MTSS2: variants seen among roughly 807,000 people sequenced by gnomAD.
MTSS2 encodes protein MTSS 2.
In MTSS2, 27 loss-of-function variants were observed where a neutral mutation model predicts 67.1. The ratio of observed to expected loss-of-function variants is 0.40; its 90% CI spans 0.30 to 0.55. The LOEUF (loss-of-function observed/expected upper bound fraction) is 0.55, where lower values mean the gene tolerates loss of function less well. MTSS2 is among the 20% of genes least tolerant of loss of function. The pLI is 0.43. For synonymous variants in MTSS2, 624 were observed against 468.6 expected, an observed-to-expected ratio of 1.33 and a Z score of -4.28; for missense variants, 1,171 against 1,067.8, an observed-to-expected ratio of 1.10 and a Z score of -1.35.
chr16:70,664,428 G>A lies in MTSS2; in HGVS notation c.1493C>T (p.Ser498Phe). 2 of 1,543,454 alleles carry A rather than the reference G, an allele frequency of 1.3e-6. No homozygotes were observed. The highest frequency in any genetic ancestry group is 2.6e-5 in the South Asian group (2 of 78,268). ...PSQGSDYDCY[S>F]VNGDADSEGP... The stretch of plus-strand genomic sequence containing the variant: ...CTCGCTGTCCGCATCCCCATTCACG[G>A]AGTAGCAGTCGTAGTCGGAGCCTGG... The change falls in exon 15 of 15, where the codon TCC becomes TTC. Residue 498 changes from serine to phenylalanine, a missense_variant. Physicochemically the swap from Ser to Phe is radical, Grantham distance 155 (BLOSUM62 -2). Coordinates refer to ENST00000338779, the MANE Select transcript of MTSS2 (RefSeq NM_138383.3).
chr16:70,675,830 G>C (rs1360021854), intron 10 of MTSS2, among the ~76,000 whole-genome samples: 1 of 152,170 alleles, frequency 6.6e-6, no homozygotes, highest in Admixed American at 6.5e-5. Flanking sequence ...CTTCCAAGTG[G>C]GTCCTGCACC....
chr16:70,676,786 C>A, intron 10 of MTSS2, 95 bp downstream of exon 10: 1 of 1,093,300 alleles, frequency 9.1e-7, no homozygotes, highest in Non-Finnish European at 1.4e-6. Flanking sequence ...ATTTTGAGGC[C>A]CTGAAGCAAT....
chr16:70,677,947 C>T (rs1247732230), intron 8 of MTSS2, 48 bp from the exon 9 acceptor site: 28 of 1,443,298 alleles, frequency 1.9e-5, no homozygotes, highest in East Asian at 7.4e-5. Flanking sequence ...CCCACCTGCC[C>T]GCCTGCCCAG....
intron 11 of MTSS2, among the ~76,000 whole-genome samples, chr16:70,666,975 T>C (rs2052737267): frequency 1.3e-5 from 2 of 152,032 alleles, no homozygotes; most frequent in East Asian, 1.9e-4. Flanking sequence ...AACAAATGGA[T>C]TGGAAAGAAA....
At chr16:70,673,278 C>T (rs1054955995) in intron 11 of MTSS2, among the ~76,000 whole-genome samples, 8 of 152,116 alleles carry the variant, frequency 5.3e-5, no homozygotes, top group African/African-American at 1.7e-4. Context: ...ATTGTAGACA[C>T]GCTGTAGCAA....
chr16:70,680,507 GGAA>G (rs1344619090), intron 3 of MTSS2, among the ~76,000 whole-genome samples: 13 of 152,206 alleles, frequency 8.5e-5, no homozygotes, highest in Admixed American at 8.5e-4. Flanking sequence ...GGCATGAGTG[GGAA>G]GAAGCCCTAA....
At chr16:70,668,690 T>A (rs2052812491) in intron 11 of MTSS2, among the ~76,000 whole-genome samples, 1 of 152,176 alleles carries the variant, frequency 6.6e-6, no homozygotes, top group Non-Finnish European at 1.5e-5. Context: ...GGTGGAGCCC[T>A]CATTAAAGGT....
rs751042990 is a variant in MTSS2 at position 70,664,260 on chromosome 16, G to C, written c.1661C>G (p.Pro554Arg). Residue 554 changes from proline to arginine, a missense_variant, in exon 15 of 15, where the codon CCC (proline) becomes CGC (arginine). Around this residue, in one of 2 missense-constraint regions of MTSS2, gnomAD observed 924 missense variants for 756.0 expected, o/e 1.22. Transcript: ENST00000338779. ...TAGLPTATGL[P>R]SGAPPGVATI... ...GGCCACGCCGGGGGGTGCGCCCGAGGGCAGGCCAGTGGCCGTGGGCAGCCC... is the reference window on the plus strand; with the variant it reads ...GGCCACGCCGGGGGGTGCGCCCGAGCGCAGGCCAGTGGCCGTGGGCAGCCC... 4 of 1,560,916 alleles carry C rather than the reference G, an allele frequency of 2.6e-6. No homozygotes were observed. The highest frequency in any genetic ancestry group is 3.4e-6 in the Non-Finnish European group (4 of 1,160,408).
At chr16:70,665,243 G>A (rs1434326182) in intron 12 of MTSS2, 147 bp from the exon 13 acceptor site, 3 of 1,030,064 alleles carry the variant, frequency 2.9e-6, no homozygotes, top group Non-Finnish European at 2.8e-6. Context: ...AGCATGGAGT[G>A]TGACTGTGGC....
chr16:70,665,651 A>G (rs1169895399), intron 11 of MTSS2, 111 bp from the exon 12 acceptor site: 5 of 895,120 alleles, frequency 5.6e-6, no homozygotes, highest in Admixed American at 4.7e-5. Context: ...GGGCGGTTCA[A>G]TTCAGCGCCT....
Position 70,677,918 on chromosome 16 carries a change from A to G in MTSS2, c.625-19T>C, listed in dbSNP as rs1235772945. 1.3e-6 allele frequency: 2 copies of G among 1,554,736 alleles called. No homozygotes were observed. The highest frequency in any genetic ancestry group is 1.4e-5 in the African/African-American group (1 of 73,852). On this transcript the variant is annotated intron_variant, in intron 8 of 14. Coordinates refer to ENST00000338779, the MANE Select transcript of MTSS2 (RefSeq NM_138383.3). ...CTCCATTCTGAGGAAGCAGCGAGTC[A>G]GACCTGCTGGCCCTATCGCCCACCT...
intron 14 of MTSS2, 27 bp from the exon 15 acceptor site, chr16:70,664,476 C>T: frequency 1.3e-6 from 2 of 1,540,878 alleles, no homozygotes; most frequent in Non-Finnish European, 1.8e-6. Context: ...CAGTGAGGCC[C>T]AGGGCCCAGG....
chr16:70,684,316 G>A (rs986997875), intron 1 of MTSS2, among the ~76,000 whole-genome samples: 2 of 151,958 alleles, frequency 1.3e-5, no homozygotes, highest in Non-Finnish European at 2.9e-5. Flanking sequence ...CCAGCGGAGG[G>A]GCCCAGATGT....
At chr16:70,665,330 C>G (rs1473669570) in intron 12 of MTSS2, 136 bp downstream of exon 12, 4 of 1,037,636 alleles carry the variant, frequency 3.9e-6, no homozygotes, top group African/African-American at 1.6e-5. Context: ...GGTGGCTTGT[C>G]TCTTGGGGAC....
At chr16:70,684,361 C>T (rs1256294252) in intron 1 of MTSS2, among the ~76,000 whole-genome samples, 3 of 150,742 alleles carry the variant, frequency 2.0e-5, no homozygotes, top group East Asian at 2.0e-4. Context: ...AGGGGGAGTG[C>T]ACCATGAGGG....
chr16:70,677,495 T>G (rs946801455), intron 9 of MTSS2, among the ~76,000 whole-genome samples: 1 of 152,056 alleles, frequency 6.6e-6, no homozygotes, highest in African/African-American at 2.4e-5. Context: ...GTCTCCAGGT[T>G]CGGCAGGAGG....
chr16:70,679,214 C>G (rs2053218554), intron 7 of MTSS2, 101 bp downstream of exon 7: 1 of 1,468,248 alleles, frequency 6.8e-7, no homozygotes. Flanking sequence ...CTCGCTTCTC[C>G]TTGGCCTGGA....
intron 10 of MTSS2, among the ~76,000 whole-genome samples, chr16:70,676,376 G>A (rs768623436): frequency 3.3e-5 from 5 of 152,314 alleles, no homozygotes; most frequent in South Asian, 4.1e-4. Context: ...CAGCTCTTAG[G>A]AGCCAGCCAG....
intron 1 of MTSS2, among the ~76,000 whole-genome samples, chr16:70,681,350 C>A (rs113227609): frequency 6.6e-6 from 1 of 152,336 alleles, no homozygotes; most frequent in African/African-American, 2.4e-5. Flanking sequence ...CCTGTCCCCT[C>A]GGGGTTTCCC....
Sources: allele counts gnomAD v4.1 joint callset (sites outside exome capture counted in the v4.1 genomes callset), GRCh38; gene constraint gnomAD v4.1.1; regional missense constraint gnomAD v4.1.1; transcripts MANE v1.5; gene names NCBI Gene and HGNC (gene_info 2026-07-23, HGNC 2026-07-21).